GPHN: variants seen among roughly 807,000 people sequenced by gnomAD.
GPHN encodes gephyrin.
GPHN carries 17 observed loss-of-function variants against 95.5 expected under a neutral mutation model. That is an observed-to-expected ratio of 0.18 (90% CI 0.12 to 0.27). The LOEUF is 0.27. GPHN is among the 10% of genes least tolerant of loss of function. The pLI is 1.00. For missense variants in GPHN, 660 were observed against 978.1 expected (o/e 0.67, Z 4.34); for synonymous variants, 320 against 322.5 (o/e 0.99, Z 0.08).
chr14:66,954,939 C>T (rs1289777107), intron 8 of GPHN, among the ~76,000 whole-genome samples: 7 of 152,114 alleles, frequency 4.6e-5, no homozygotes, highest in Non-Finnish European at 8.8e-5. Context: ...TATGGTGAGC[C>T]ACTCTTACAT....
chr14:66,651,602 A>G (rs2065048032), intron 1 of GPHN, among the ~76,000 whole-genome samples: 1 of 152,108 alleles, frequency 6.6e-6, no homozygotes, highest in Non-Finnish European at 1.5e-5. Flanking sequence ...CTTGACTTCA[A>G]ATTATGGTGG....
the GPHN span, among the ~76,000 whole-genome samples, chr14:67,439,553 C>CT: frequency 1.4e-5 from 1 of 71,884 alleles, no homozygotes; most frequent in Non-Finnish European, 2.7e-5. Context: ...TTCTTTCTTT[C>CT]TTTCTTTCTT....
chr14:66,859,219 G>A (rs1425857331), intron 4 of GPHN, among the ~76,000 whole-genome samples: 2 of 152,180 alleles, frequency 1.3e-5, no homozygotes, highest in Non-Finnish European at 2.9e-5. Flanking sequence ...TGCTGTGCTG[G>A]CTTCAGGTCT....
intron 12 of GPHN, among the ~76,000 whole-genome samples, chr14:67,098,072 A>G (rs1044842987): frequency 4.3e-4 from 65 of 152,138 alleles, no homozygotes; most frequent in African/African-American, 1.5e-3. Flanking sequence ...AACACACACC[A>G]TCATGGCACA....
downstream of GPHN, among the ~76,000 whole-genome samples, chr14:67,185,659 T>A (rs1428570414): frequency 6.6e-6 from 1 of 152,194 alleles, no homozygotes; most frequent in Non-Finnish European, 1.5e-5. Flanking sequence ...CATATCAGAA[T>A]GAAAAAAATA....
rs149496867 is a variant in GPHN at position 66,846,761 on chromosome 14, T to C, written c.294+22195T>C. 3.0e-3 allele frequency among the ~76,000 whole-genome samples: 461 copies of C among 152,246 alleles called. 3 individuals carry two copies. Among genetic ancestry groups the C allele is most frequent in the African/African-American group, 0.011 (447 of 41,564 alleles). On this transcript the variant is annotated intron_variant, in intron 4 of 22. Transcript: ENST00000478722. ...ATAACAGTAACTAAAACTAGGCTTA[T>C]TAGTTTCATAGTAAAGAGTAGAAAA...
the GPHN span, among the ~76,000 whole-genome samples, chr14:67,202,829 G>C: frequency 1.3e-5 from 2 of 152,158 alleles, no homozygotes; most frequent in African/African-American, 4.8e-5. Flanking sequence ...TCCTGGACTT[G>C]TACTTGGTAA....
intron 10 of GPHN, 84 bp downstream of exon 10, chr14:67,023,759 A>G (rs2073784439): frequency 9.2e-7 from 1 of 1,084,414 alleles, no homozygotes; most frequent in African/African-American, 1.6e-5. Flanking sequence ...AAAAGAAGAA[A>G]AGCAATGGGG....
chr14:67,451,059 C>T, the GPHN span, among the ~76,000 whole-genome samples: 1 of 152,336 alleles, frequency 6.6e-6, no homozygotes, highest in African/African-American at 2.4e-5. Flanking sequence ...AGAGCTCAGG[C>T]TGTGGCTTCA....
the GPHN span, among the ~76,000 whole-genome samples, chr14:67,600,917 C>T: frequency 6.6e-6 from 1 of 152,160 alleles, no homozygotes; most frequent in Non-Finnish European, 1.5e-5. Flanking sequence ...CTTGGCAAGC[C>T]GATTTCTCTA....
intron 1 of GPHN, among the ~76,000 whole-genome samples, chr14:66,656,934 T>A (rs2065339271): frequency 6.6e-6 from 1 of 152,146 alleles, no homozygotes; most frequent in Non-Finnish European, 1.5e-5. Flanking sequence ...TACATATCTC[T>A]CACTTTAAGT....
rs1183059844 is a variant in GPHN, at chr14:67,169,006, G to A, written c.2049G>A (p.Leu683=). 1 of 1,613,082 alleles carries A rather than the reference G, an allele frequency of 6.2e-7. No homozygotes were observed. The highest frequency in any genetic ancestry group is 8.5e-7 in the Non-Finnish European group (1 of 1,179,140). Residue 683 remains leucine, a synonymous_variant, in exon 21 of 23, where the codon TTG becomes TTA. Coordinates refer to ENST00000478722, the MANE Select transcript of GPHN (RefSeq NM_020806.5). The stretch of plus-strand genomic sequence containing the variant: ...CACTGAGGAAAATGCAGGGCATCTT[G>A]GATCCTCGGCCAACCATCATCAAAG... ...VPALRKMQGI[L]DPRPTIIKAR...
intron 9 of GPHN, among the ~76,000 whole-genome samples, chr14:67,008,254 C>G (rs2072738845): frequency 6.6e-6 from 1 of 151,870 alleles, no homozygotes; most frequent in Non-Finnish European, 1.5e-5. Flanking sequence ...GAGTTCAAGA[C>G]CAGCCTGACC....
At chr14:67,453,177 A>G in the GPHN span, among the ~76,000 whole-genome samples, 18 of 152,234 alleles carry the variant, frequency 1.2e-4, 1 homozygote, top group Admixed American at 9.2e-4. Context: ...AAAGTAACCA[A>G]ATAGTATGCT....
intron 4 of GPHN, among the ~76,000 whole-genome samples, chr14:66,854,671 A>T (rs2062724969): frequency 6.6e-6 from 1 of 152,204 alleles, no homozygotes; most frequent in African/African-American, 2.4e-5. Context: ...GAGTCTAAGT[A>T]ATTTAAAAGT....
intron 1 of GPHN, among the ~76,000 whole-genome samples, chr14:66,672,255 T>A (rs2066339068): frequency 6.6e-6 from 1 of 152,170 alleles, no homozygotes; most frequent in Non-Finnish European, 1.5e-5. Flanking sequence ...TCTTTTATTC[T>A]CCTGTTATTG....
intron 9 of GPHN, among the ~76,000 whole-genome samples, chr14:66,992,341 C>T (rs771077747): frequency 2.6e-5 from 4 of 152,060 alleles, no homozygotes; most frequent in Admixed American, 6.6e-5. Context: ...CTTAACTATA[C>T]TAACACAAAT....
At chr14:66,919,951 C>T (rs1386572132) in intron 6 of GPHN, among the ~76,000 whole-genome samples, 1 of 152,098 alleles carries the variant, frequency 6.6e-6, no homozygotes, top group African/African-American at 2.4e-5. Context: ...CCTGTAATCC[C>T]AGCTACTCAG....
the GPHN span, chr14:67,200,407 T>C: frequency 3.5e-6 from 2 of 570,264 alleles, no homozygotes; most frequent in African/African-American, 4.0e-5. Context: ...CTGTAGCTCC[T>C]TGGGGCTAAG....
Sources: allele counts gnomAD v4.1 joint callset (sites outside exome capture counted in the v4.1 genomes callset), GRCh38; gene constraint gnomAD v4.1.1; transcripts MANE v1.5; gene names NCBI Gene and HGNC (gene_info 2026-07-23, HGNC 2026-07-21).